GHR: variants seen among roughly 807,000 people sequenced by gnomAD.
GHR encodes GH receptor.
A neutral mutation model predicts 67.1 loss-of-function variants in GHR; 35 were observed. That is an observed-to-expected ratio of 0.52 (90% CI 0.40 to 0.69). The LOEUF (loss-of-function observed/expected upper bound fraction) is 0.69, where lower values mean the gene tolerates loss of function less well. GHR is among the 30% of genes least tolerant of loss of function. GHR has a pLI of 0.00. For synonymous variants in GHR, 272 were observed against 269.1 expected (o/e 1.01, Z -0.10); for missense variants, 792 against 764.6 (o/e 1.04, Z -0.42).
intron 3 of GHR, among the ~76,000 whole-genome samples, chr5:42,681,288 G>T (rs1756854660): frequency 6.8e-6 from 1 of 146,188 alleles, no homozygotes; most frequent in South Asian, 2.1e-4. Context: ...CCATCAAAAA[G>T]TGGGCAAAGG....
intron 1 of GHR, among the ~76,000 whole-genome samples, chr5:42,491,481 A>C (rs562472630): frequency 6.6e-6 from 1 of 152,318 alleles, no homozygotes; most frequent in East Asian, 1.9e-4. Context: ...TGGGCCCATC[A>C]CTTAAATTTC....
chr5:42,572,843 C>T (rs1412623975), intron 2 of GHR, among the ~76,000 whole-genome samples: 1 of 152,124 alleles, frequency 6.6e-6, no homozygotes, highest in Non-Finnish European at 1.5e-5. Context: ...CTTTCACTAA[C>T]AAGCAGGACA....
At chr5:42,538,004 A>G (rs1452441041) in intron 1 of GHR, among the ~76,000 whole-genome samples, 9 of 152,144 alleles carry the variant, frequency 5.9e-5, no homozygotes, top group Non-Finnish European at 2.9e-5. Flanking sequence ...GTCCATTTGC[A>G]TGAAATGCCT....
chr5:42,588,365 A>G (rs1218424992), intron 2 of GHR, among the ~76,000 whole-genome samples: 3 of 151,744 alleles, frequency 2.0e-5, no homozygotes, highest in African/African-American at 7.3e-5. Flanking sequence ...TAAAAATACA[A>G]AAAAATTAGC....
At chr5:42,492,294 A>G (rs2112199007) in intron 1 of GHR, among the ~76,000 whole-genome samples, 1 of 152,314 alleles carries the variant, frequency 6.6e-6, no homozygotes, top group Non-Finnish European at 1.5e-5. Flanking sequence ...AATACTGAGG[A>G]ATGAGAAGAT....
intron 2 of GHR, among the ~76,000 whole-genome samples, chr5:42,624,351 T>C (rs1753597530): frequency 6.6e-6 from 1 of 152,204 alleles, no homozygotes; most frequent in South Asian, 2.1e-4. Context: ...TGGAAAAATT[T>C]GTCAACTTTA....
chr5:42,620,697 T>G (rs1382861994), intron 2 of GHR, among the ~76,000 whole-genome samples: 1 of 152,164 alleles, frequency 6.6e-6, no homozygotes, highest in Non-Finnish European at 1.5e-5. Flanking sequence ...CCACTGTTGT[T>G]GATTTAAAGT....
chr5:42,454,201 C>G (rs1744165247), intron 1 of GHR, among the ~76,000 whole-genome samples: 1 of 152,166 alleles, frequency 6.6e-6, no homozygotes, highest in Non-Finnish European at 1.5e-5. Flanking sequence ...GTGGAGGTGA[C>G]AGGATAGGGA....
intron 1 of GHR, among the ~76,000 whole-genome samples, chr5:42,442,378 G>C (rs1743616743): frequency 6.6e-6 from 1 of 152,144 alleles, no homozygotes; most frequent in Non-Finnish European, 1.5e-5. Flanking sequence ...CAGTTTACCA[G>C]ACACAGAAAA....
intron 1 of GHR, among the ~76,000 whole-genome samples, chr5:42,543,674 G>A (rs752280324): frequency 1.9e-4 from 29 of 152,082 alleles, no homozygotes; most frequent in Non-Finnish European, 3.8e-4. Flanking sequence ...GATGCCATAT[G>A]ATAGATCTAC....
intron 3 of GHR, among the ~76,000 whole-genome samples, chr5:42,683,779 A>G (rs2111613732): frequency 6.6e-6 from 1 of 152,350 alleles, no homozygotes; most frequent in South Asian, 2.1e-4. Context: ...TCTGTATCGG[A>G]GTTCCATGTG....
chr5:42,438,343 T>C (rs867133234), intron 1 of GHR, among the ~76,000 whole-genome samples: 9 of 152,194 alleles, frequency 5.9e-5, no homozygotes, highest in African/African-American at 2.2e-4. Flanking sequence ...ACTCCCATGC[T>C]TCTAACCACT....
chr5:42,531,951 T>A (rs138251949), intron 1 of GHR, among the ~76,000 whole-genome samples: 1 of 152,258 alleles, frequency 6.6e-6, no homozygotes, highest in East Asian at 1.9e-4. Flanking sequence ...GTTGAATTAG[T>A]ATGTTTCTCG....
intron 2 of GHR, among the ~76,000 whole-genome samples, chr5:42,588,685 T>G (rs111842215): frequency 0.022 from 3,352 of 152,202 alleles, 54 homozygotes; most frequent in Middle Eastern, 0.041. Context: ...AATTCTGCCC[T>G]TTTTTTCCTC....
chr5:42,623,037 G>T (rs1753532031), intron 2 of GHR, among the ~76,000 whole-genome samples: 1 of 152,136 alleles, frequency 6.6e-6, no homozygotes, highest in South Asian at 2.1e-4. Flanking sequence ...CATAGGAAAA[G>T]ACATGTCCCT....
At chr5:42,455,433 A>G (rs530520872) in intron 1 of GHR, among the ~76,000 whole-genome samples, 138 of 152,100 alleles carry the variant, frequency 9.1e-4, no homozygotes, top group African/African-American at 2.6e-3. Context: ...TCTGTCCCCA[A>G]TCCTTCTCTT....
chr5:42,481,310 T>C (rs1745623864), intron 1 of GHR, among the ~76,000 whole-genome samples: 1 of 152,242 alleles, frequency 6.6e-6, no homozygotes, highest in Non-Finnish European at 1.5e-5. Flanking sequence ...TCTCTCTGGC[T>C]GCCCTGAACA....
At chr5:42,693,170 C>G (rs1366306932) in intron 4 of GHR, among the ~76,000 whole-genome samples, 1 of 149,918 alleles carries the variant, frequency 6.7e-6, no homozygotes, top group Non-Finnish European at 1.5e-5. Flanking sequence ...TGGAGTCTTG[C>G]TTTGGCACCC....
chr5:42,441,096 T>G (rs1201973135), intron 1 of GHR, among the ~76,000 whole-genome samples: 3 of 152,140 alleles, frequency 2.0e-5, no homozygotes, highest in Non-Finnish European at 2.9e-5. Flanking sequence ...CTGAGGTAAG[T>G]GAGATCATGT....
Sources: gnomAD v4.1 joint callset for allele counts (sites outside exome capture counted in the v4.1 genomes callset) on GRCh38, gnomAD v4.1.1 for gene constraint, MANE v1.5 for transcripts, NCBI Gene and HGNC (gene_info 2026-07-23, HGNC 2026-07-21) for gene names.